The following CACNG5 variants were observed in gnomAD, a reference collection of about 807,000 sequenced individuals.
CACNG5 encodes calcium voltage-gated channel auxiliary subunit gamma 5.
CACNG5 carries 18 observed loss-of-function variants against 24.8 expected under a neutral mutation model. The ratio of observed to expected loss-of-function variants is 0.73; its 90% CI spans 0.50 to 1.08. CACNG5 has a LOEUF of 1.08. CACNG5 is among the 50% of genes least tolerant of loss of function. The probability of loss-of-function intolerance (pLI) is 0.00; values close to 1 mark genes in which losing one functional copy is unlikely to be tolerated. For synonymous variants in CACNG5, 157 were observed against 149.1 expected (o/e 1.05, Z -0.39); for missense variants, 349 against 367.9 (o/e 0.95, Z 0.42).
At chr17:66,881,109 G>A (rs533639924) in intron 4 of CACNG5, among the ~76,000 whole-genome samples, 4 of 152,296 alleles carry the variant, frequency 2.6e-5, no homozygotes, top group Admixed American at 2.6e-4. Flanking sequence ...GATAGGCTGA[G>A]TCAGTTATTC....
At chr17:66,882,553 T>G (rs890940860) in intron 4 of CACNG5, among the ~76,000 whole-genome samples, 1 of 152,158 alleles carries the variant, frequency 6.6e-6, no homozygotes, top group Non-Finnish European at 1.5e-5. Flanking sequence ...AGGTGGGCTC[T>G]TTCTCCTTTT....
At chr17:66,862,237 T>A (rs1165473042) in intron 1 of CACNG5, among the ~76,000 whole-genome samples, 1 of 152,194 alleles carries the variant, frequency 6.6e-6, no homozygotes, top group Non-Finnish European at 1.5e-5. Context: ...CAGAATTTTT[T>A]AAATGTATGG....
chr17:66,841,832 G>A (rs1459030452), intron 1 of CACNG5, among the ~76,000 whole-genome samples: 1 of 152,182 alleles, frequency 6.6e-6, no homozygotes, highest in Admixed American at 6.5e-5. Flanking sequence ...CAAGGGTCAG[G>A]TGTGTTTTAT....
intron 1 of CACNG5, among the ~76,000 whole-genome samples, chr17:66,848,004 A>C (rs1976660375): frequency 6.6e-6 from 1 of 152,184 alleles, no homozygotes; most frequent in African/African-American, 2.4e-5. Context: ...CTGGCTTCCC[A>C]AAAAGAGTGT....
At chr17:66,878,846 C>A (rs1977119989) in intron 2 of CACNG5, 126 bp from the exon 3 acceptor site, 6 of 751,484 alleles carry the variant, frequency 8.0e-6, no homozygotes, top group Non-Finnish European at 1.1e-5. Flanking sequence ...GGGTTTGGAT[C>A]CAGCTCAGGT....
rs722617 is a variant in CACNG5, at chr17:66,876,665, C to T, written c.-103-565C>T. 2.3e-3 allele frequency among the ~76,000 whole-genome samples: 349 copies of T among 152,302 alleles called. 14 individuals carry two copies. In the South Asian group the frequency reaches 0.069, roughly 30 times the overall value. ...ACTTATTAGAGTCACATGAGGAGGA[C>T]ACTTTCCTCCAAGAAATCTTCCCTG... On this transcript the variant is annotated intron_variant, in intron 1 of 5. Coordinates refer to ENST00000533854, the MANE Select transcript of CACNG5 (RefSeq NM_145811.3).
Position 66,888,330 on chromosome 17 carries a change from G to A in CACNG5, c.*3090G>A, listed in dbSNP as rs529830438. Among the ~76,000 whole-genome samples, 2 of 151,706 alleles carry A rather than the reference G, an allele frequency of 1.3e-5. No homozygotes were observed. The highest frequency in any genetic ancestry group is 4.2e-4 in the South Asian group (2 of 4,790). ...GAGGCCGAGGCAGGCAGATCACTAG[G>A]TCAGGAGATCGAGACCATCCTGGCT... is the stretch of plus-strand genomic sequence containing the variant. On this transcript the variant is annotated 3_prime_UTR_variant, in exon 6 of 6. Coordinates refer to ENST00000533854, the MANE Select transcript of CACNG5 (RefSeq NM_145811.3).
chr17:66,860,961 G>C (rs1011868449), intron 1 of CACNG5, among the ~76,000 whole-genome samples: 3 of 151,932 alleles, frequency 2.0e-5, no homozygotes, highest in Non-Finnish European at 4.4e-5. Context: ...CCCTGATGTA[G>C]ATAATTGGGT....
At chr17:66,879,114 C>T in intron 3 of CACNG5, 56 bp downstream of exon 3, 1 of 1,306,884 alleles carries the variant, frequency 7.7e-7, no homozygotes, top group South Asian at 1.2e-5. Context: ...AGGAGCAAGG[C>T]AGAGGGAAGA....
At position 66,887,485 on chromosome 17, in the gene CACNG5, A is replaced by C. The variant is rs1977279187; in HGVS notation, c.*2245A>C. ...TTACTGTTTACAGAATAATACCAAA[A>C]CCATGTTCTCCTCACCGCAAAGTAA... is the stretch of plus-strand genomic sequence containing the variant. On this transcript the variant is annotated 3_prime_UTR_variant, in exon 6 of 6. Transcript: ENST00000533854. Among the ~76,000 whole-genome samples the C allele has an allele frequency of 6.6e-6, 1 of 152,184 alleles. No homozygotes were observed. The highest frequency in any genetic ancestry group is 2.1e-4 in the South Asian group (1 of 4,824).
Position 66,885,524 on chromosome 17 carries a change from G to A in CACNG5, c.*284G>A, listed in dbSNP as rs1000222477. On this transcript the variant is annotated 3_prime_UTR_variant, in exon 6 of 6. Transcript: ENST00000533854. ...CAGCAGTGGCTCCAGGAAGCCAGCA[G>A]CTCCCCCCAAGCCCAGGAGACACCG... 58 of 421,554 alleles carry A rather than the reference G, an allele frequency of 1.4e-4. No homozygotes were observed. Among genetic ancestry groups the A allele is most frequent in the Middle Eastern group, 5.8e-4 (1 of 1,722 alleles). 26.1% of individuals were successfully genotyped at this position (421,554 alleles called of 1,614,324 possible). A position where few individuals can be genotyped will look rare whatever the true frequency, so the allele number is the denominator to read the frequency against.
chr17:66,869,942 G>A (rs1184885199), intron 1 of CACNG5, among the ~76,000 whole-genome samples: 2 of 152,048 alleles, frequency 1.3e-5, no homozygotes. Context: ...ACTTAGCGGG[G>A]CGTGGTGGCA....
At chr17:66,858,735 T>C (rs1482383364) in intron 1 of CACNG5, among the ~76,000 whole-genome samples, 1 of 122,340 alleles carries the variant, frequency 8.2e-6, no homozygotes, top group Non-Finnish European at 1.6e-5. Context: ...AAGAGTGAAA[T>C]CTCCCCCTGC....
Position 66,885,318 on chromosome 17 carries a change from A to T in CACNG5, c.*78A>T. On this transcript the variant is annotated 3_prime_UTR_variant, in exon 6 of 6. Coordinates refer to ENST00000533854, the MANE Select transcript of CACNG5 (RefSeq NM_145811.3). ...TCTCTCCAGGTGACCCCTGAGCCCC[A>T]GGCCTGTGGTTGACAGGCCCAGGCC... 6.7e-7 allele frequency: 1 copy of T among 1,492,916 alleles called. No individual in the cohort carries two copies. The highest frequency in any genetic ancestry group is 1.3e-5 in the South Asian group (1 of 74,640). The allele number at this position is 1,492,916 out of a possible 1,614,324, so 92.5% of individuals were successfully genotyped here. A position where few individuals can be genotyped will look rare whatever the true frequency, so the allele number is the denominator to read the frequency against.
chr17:66,838,017 C>G (rs780536794), intron 1 of CACNG5, among the ~76,000 whole-genome samples: 13 of 151,930 alleles, frequency 8.6e-5, no homozygotes, highest in Non-Finnish European at 1.8e-4. Context: ...GTCCCTGATG[C>G]AAAAGCATCG....
intron 1 of CACNG5, among the ~76,000 whole-genome samples, chr17:66,852,641 T>C (rs554080175): frequency 6.6e-6 from 1 of 152,298 alleles, no homozygotes; most frequent in South Asian, 2.1e-4. Flanking sequence ...GATAAATGTG[T>C]AATCATGATA....
chr17:66,879,128 A>G, intron 3 of CACNG5, 70 bp downstream of exon 3: 1 of 1,141,942 alleles, frequency 8.8e-7, no homozygotes, highest in Non-Finnish European at 1.3e-6. Context: ...GGGAAGAGTC[A>G]GTGTGCCAGC....
intron 1 of CACNG5, among the ~76,000 whole-genome samples, chr17:66,864,668 A>C (rs1976906281): frequency 6.6e-6 from 1 of 152,190 alleles, no homozygotes; most frequent in South Asian, 2.1e-4. Flanking sequence ...TTTCATCAGC[A>C]TCAAACTGTT....
In CACNG5 at chr17:66,886,228, G is replaced by A. The variant is rs1279085268; in HGVS notation, c.*988G>A. 6.6e-6 allele frequency among the ~76,000 whole-genome samples: 1 copy of A among 152,198 alleles called. No individual in the cohort carries two copies. The highest frequency in any genetic ancestry group is 1.5e-5 in the Non-Finnish European group (1 of 68,044). ...GCCTTCGAAGAGGCTGCCTGGGAGT[G>A]GGAGCTGGATTTGAGGACACCTGGT... On this transcript the variant is annotated 3_prime_UTR_variant, in exon 6 of 6. Coordinates refer to ENST00000533854, the MANE Select transcript of CACNG5 (RefSeq NM_145811.3).
Sources: allele counts gnomAD v4.1 joint callset (sites outside exome capture counted in the v4.1 genomes callset), GRCh38; gene constraint gnomAD v4.1.1; transcripts MANE v1.5; gene names NCBI Gene and HGNC (gene_info 2026-07-23, HGNC 2026-07-21).